The following SLC26A5 variants were observed in gnomAD, a reference collection of about 807,000 sequenced individuals.
SLC26A5 encodes solute carrier family 26 member 5, also known as prestin.
SLC26A5 carries 51 observed loss-of-function variants against 81.0 expected under a neutral mutation model. That is an observed-to-expected ratio of 0.63 (90% CI 0.50 to 0.80). SLC26A5 has a LOEUF of 0.80. Ranked by LOEUF, SLC26A5 falls within the 30% of genes least tolerant of loss-of-function variation. The pLI is 0.00. For missense variants in SLC26A5, 771 were observed against 905.8 expected (o/e 0.85, Z 1.91); for synonymous variants, 325 against 332.8 (o/e 0.98, Z 0.25).
chr7:103,373,748 T>C (rs1484772871), downstream of SLC26A5, among the ~76,000 whole-genome samples: 1 of 152,188 alleles, frequency 6.6e-6, no homozygotes, highest in Non-Finnish European at 1.5e-5. Context: ...AAATCGGTTA[T>C]AAAACACTAT....
At chr7:103,362,796 T>A in intron 19 of SLC26A5, 30 of 596,928 alleles carry the variant, frequency 5.0e-5, no homozygotes, top group Non-Finnish European at 7.2e-5. Context: ...GGCTATGTCT[T>A]TTTTTTTTTT....
At chr7:103,414,223 T>C (rs533646912) in intron 4 of SLC26A5, among the ~76,000 whole-genome samples, 75 of 144,430 alleles carry the variant, frequency 5.2e-4, no homozygotes, top group African/African-American at 1.8e-3. Context: ...TCTTGCTCTG[T>C]CACCCAGGCT....
chr7:103,378,249 G>A (rs1821501914), intron 17 of SLC26A5, among the ~76,000 whole-genome samples, 197 bp downstream of exon 17: 1 of 152,112 alleles, frequency 6.6e-6, no homozygotes, highest in African/African-American at 2.4e-5. Flanking sequence ...TTAAAATGAT[G>A]TTTTCCTTAC....
chr7:103,408,560 C>T (rs1178975827), intron 7 of SLC26A5, among the ~76,000 whole-genome samples: 1 of 152,172 alleles, frequency 6.6e-6, no homozygotes, highest in East Asian at 1.9e-4. Flanking sequence ...TTATTCTTAT[C>T]ATATGCTGAT....
At chr7:103,378,610 A>G (rs751567356) in intron 16 of SLC26A5, 57 bp from the exon 17 acceptor site, 28 of 1,423,528 alleles carry the variant, frequency 2.0e-5, no homozygotes, top group Middle Eastern at 1.8e-4. Flanking sequence ...GACCCACCCC[A>G]ATGCCACTCC....
chr7:103,437,939 T>C (rs1405320250), intron 2 of SLC26A5, among the ~76,000 whole-genome samples: 2 of 152,172 alleles, frequency 1.3e-5, no homozygotes, highest in Non-Finnish European at 2.9e-5. Flanking sequence ...CATTTAAAAA[T>C]TGAGAAAGTT....
At chr7:103,352,847 C>T in exon 20 of SLC26A5, 1 of 780,896 alleles carries the variant, frequency 1.3e-6, no homozygotes. Flanking sequence ...CCCTGTCCAC[C>T]TGGCCCCAAA....
chr7:103,368,166 CAT>C (rs1563498944), intron 19 of SLC26A5: 2 of 910,226 alleles, frequency 2.2e-6, no homozygotes, highest in Non-Finnish European at 3.2e-6. Context: ...TGCTTTTTTC[CAT>C]ATCTCTTCTT....
chr7:103,395,337 T>C (rs1254310822), intron 9 of SLC26A5, among the ~76,000 whole-genome samples: 1 of 132,334 alleles, frequency 7.6e-6, no homozygotes, highest in Non-Finnish European at 1.6e-5. Flanking sequence ...TCCAGAAACG[T>C]AAGGTCTTTT....
In SLC26A5 at chr7:103,392,927, C is replaced by G. The variant is rs762833771; in HGVS notation, c.1111G>C (p.Gly371Arg). Residue 371 changes from glycine to arginine, a missense_variant, in exon 10 of 20, where the codon GGC becomes CGC. Physicochemically the swap from Gly to Arg is moderately radical, Grantham distance 125. Coordinates refer to ENST00000306312, the MANE Select transcript of SLC26A5 (RefSeq NM_198999.3). ...AAACTGATTATCTTTACCTGATTGC[C>G]GTCAACCTGGTAGCCATGTTTATTT... ...LANKHGYQVD[G>R]NQELIALGLC... 26 of 1,613,880 alleles carry G rather than the reference C, an allele frequency of 1.6e-5. No individual in the cohort carries two copies. Among genetic ancestry groups the G allele is most frequent in the Admixed American group, 8.3e-5 (5 of 59,988 alleles).
chr7:103,382,800 T>C lies in SLC26A5; in HGVS notation c.1515-2251A>G, dbSNP rs947834907. 2.0e-5 allele frequency among the ~76,000 whole-genome samples: 3 copies of C among 152,154 alleles called. No individual in the cohort carries two copies. In the East Asian group the frequency reaches 5.8e-4, roughly 29 times the overall value. Reference sequence around the variant, plus strand: ...AATATTATAATAATAGTTAACATTATTAACAATCCTGCCATCACGTAGATG... The same window carrying C: ...AATATTATAATAATAGTTAACATTACTAACAATCCTGCCATCACGTAGATG... On this transcript the variant is annotated intron_variant, in intron 14 of 19. Coordinates refer to ENST00000306312, the MANE Select transcript of SLC26A5 (RefSeq NM_198999.3).
chr7:103,396,379 T>C (rs1038152695), intron 9 of SLC26A5, among the ~76,000 whole-genome samples: 5 of 152,140 alleles, frequency 3.3e-5, no homozygotes, highest in African/African-American at 1.2e-4. Context: ...CACACCCATA[T>C]CCACAGCTGC....
chr7:103,396,688 G>C (rs1340208468), intron 9 of SLC26A5, among the ~76,000 whole-genome samples: 2 of 152,178 alleles, frequency 1.3e-5, no homozygotes, highest in Non-Finnish European at 2.9e-5. Flanking sequence ...AAGAAAAGAG[G>C]AAGCTCTTGC....
In SLC26A5 at chr7:103,353,270, A is replaced by G. The variant is rs145124777; in HGVS notation, c.2042-344T>C. On this transcript the variant is annotated intron_variant, in intron 19 of 19. Coordinates refer to the SLC26A5 transcript ENST00000339444. ...ATTTGTTGGATTGCTTTCTATGTCT[A>G]TGTTCTGTTATCATTTTAAATTGCT... is the stretch of plus-strand genomic sequence containing the variant. Among the ~76,000 whole-genome samples the G allele has an allele frequency of 2.4e-3, 368 of 152,086 alleles. 4 individuals carry two copies. Among genetic ancestry groups the G allele is most frequent in the African/African-American group, 8.5e-3 (354 of 41,474 alleles).
chr7:103,377,617 T>C lies in SLC26A5; in HGVS notation c.1968A>G (p.Gly656=). The stretch of plus-strand genomic sequence containing the variant: ...TGCTTACCCCTGCCAGAGTTTTCAC[T>C]CCAACAGAATCAATAAAATTGACTT... ...FTQVNFIDSV[G]VKTLAGIVKE... is the part of the protein sequence containing the mutation. The change falls in exon 18 of 20, where the codon GGA becomes GGG. Residue 656 remains glycine, a synonymous_variant. Transcript: ENST00000306312. 6.2e-7 allele frequency: 1 copy of C among 1,614,066 alleles called. No individual in the cohort carries two copies. Among genetic ancestry groups the C allele is most frequent in the Non-Finnish European group, 8.5e-7 (1 of 1,179,992 alleles).
At chr7:103,441,313 A>T (rs1306478511) in intron 2 of SLC26A5, among the ~76,000 whole-genome samples, 1 of 152,200 alleles carries the variant, frequency 6.6e-6, no homozygotes, top group Non-Finnish European at 1.5e-5. Context: ...AGATTAAAAG[A>T]AGAGTAGGGT....
At chr7:103,386,192 A>G (rs1014652432) in intron 14 of SLC26A5, among the ~76,000 whole-genome samples, 3 of 151,864 alleles carry the variant, frequency 2.0e-5, no homozygotes, top group African/African-American at 7.3e-5. Context: ...CAGTCTCCCA[A>G]AGTGCTTGGA....
chr7:103,377,806 C>CA lies in SLC26A5; in HGVS notation c.1786-8dup. The stretch of plus-strand genomic sequence containing the variant: ...CTCCATCTACTTCTGCATCCTGTGT[C>CA]AAAAATTAAACCAAACCAGAATTTT... On this transcript the variant is annotated splice_polypyrimidine_tract_variant and splice_region_variant and intron_variant, in intron 17 of 19. Coordinates refer to ENST00000306312, the MANE Select transcript of SLC26A5 (RefSeq NM_198999.3). 6.2e-7 allele frequency: 1 copy of CA among 1,613,292 alleles called. No individual in the cohort carries two copies. Among genetic ancestry groups the CA allele is most frequent in the Non-Finnish European group, 8.5e-7 (1 of 1,179,880 alleles).
At chr7:103,408,334 C>T (rs566661939) in intron 7 of SLC26A5, among the ~76,000 whole-genome samples, 1 of 152,254 alleles carries the variant, frequency 6.6e-6, no homozygotes, top group African/African-American at 2.4e-5. Flanking sequence ...TCAAGCAATT[C>T]TCCTGCCTCA....
Sources: allele counts gnomAD v4.1 joint callset (sites outside exome capture counted in the v4.1 genomes callset), GRCh38; gene constraint gnomAD v4.1.1; transcripts MANE v1.5; gene names NCBI Gene and HGNC (gene_info 2026-07-23, HGNC 2026-07-21).